The following GRIK1 variants were observed in gnomAD, a reference collection of about 807,000 sequenced individuals.
GRIK1 encodes the protein glutamate receptor ionotropic, kainate 1.
In GRIK1, 69 loss-of-function variants were observed where a neutral mutation model predicts 105.7. That is an observed-to-expected ratio of 0.65 (90% confidence interval 0.54 to 0.80). GRIK1 has a LOEUF of 0.80. GRIK1 is among the 30% of genes least tolerant of loss of function. GRIK1 has a pLI of 0.00. For synonymous variants in GRIK1, 438 were observed against 431.3 expected (o/e 1.02, Z -0.19); for missense variants, 1,109 against 1,167.3 (o/e 0.95, Z 0.73).
chr21:29,651,050 T>TA, intron 6 of GRIK1, 68 bp downstream of exon 6: 2 of 1,145,912 alleles, frequency 1.7e-6, no homozygotes, highest in Non-Finnish European at 2.5e-6. Context: ...ATTTTAAAGA[T>TA]ACGTGAGATC....
At chr21:29,918,251 G>T (rs1400327224) in intron 1 of GRIK1, among the ~76,000 whole-genome samples, 1 of 152,046 alleles carries the variant, frequency 6.6e-6, no homozygotes, top group African/African-American at 2.4e-5. Context: ...TGAAGTAATA[G>T]TAACATTAAT....
intron 14 of GRIK1, among the ~76,000 whole-genome samples, chr21:29,568,079 T>A (rs1253553941): frequency 6.6e-6 from 1 of 152,232 alleles, no homozygotes; most frequent in Non-Finnish European, 1.5e-5. Context: ...ATATTTTTCA[T>A]GTTTTTCTCC....
chr21:29,684,949 C>A (rs2063460968), intron 3 of GRIK1, among the ~76,000 whole-genome samples: 1 of 152,160 alleles, frequency 6.6e-6, no homozygotes, highest in African/African-American at 2.4e-5. Flanking sequence ...CTATTAATAT[C>A]TATCATCTAC....
At chr21:29,906,347 A>G (rs925859523) in intron 1 of GRIK1, among the ~76,000 whole-genome samples, 1 of 151,994 alleles carries the variant, frequency 6.6e-6, no homozygotes, top group Non-Finnish European at 1.5e-5. Context: ...ATGTTAGAAA[A>G]CCTCTTTATG....
intron 1 of GRIK1, among the ~76,000 whole-genome samples, chr21:29,703,782 A>G (rs562657711): frequency 2.8e-4 from 43 of 152,330 alleles, no homozygotes; most frequent in African/African-American, 9.6e-4. Context: ...CTTCAACTGG[A>G]AACTGGCTCT....
chr21:29,750,333 A>T (rs1165352740), intron 1 of GRIK1, among the ~76,000 whole-genome samples: 2 of 138,418 alleles, frequency 1.4e-5, no homozygotes, highest in Non-Finnish European at 3.0e-5. Flanking sequence ...TACATTTGCC[A>T]ACTCCAACTC....
chr21:29,877,961 C>T (rs1555903528), intron 1 of GRIK1, among the ~76,000 whole-genome samples: 4 of 152,082 alleles, frequency 2.6e-5, no homozygotes, highest in Non-Finnish European at 5.9e-5. Flanking sequence ...GGAAAGAACA[C>T]TTTTGAATAT....
At chr21:29,810,308 A>G (rs1204486571) in intron 1 of GRIK1, among the ~76,000 whole-genome samples, 3 of 152,076 alleles carry the variant, frequency 2.0e-5, no homozygotes, top group Non-Finnish European at 4.4e-5. Context: ...AAAAAAAAAA[A>G]AAAATCAGTA....
intron 16 of GRIK1, among the ~76,000 whole-genome samples, chr21:29,552,331 T>G (rs1160142528): frequency 2.6e-5 from 4 of 152,242 alleles, no homozygotes; most frequent in Non-Finnish European, 5.9e-5. Context: ...TATTCACTAG[T>G]GAGGAATCAT....
chr21:29,830,620 AT>A (rs980494824), intron 1 of GRIK1, among the ~76,000 whole-genome samples: 4 of 152,156 alleles, frequency 2.6e-5, no homozygotes, highest in Non-Finnish European at 5.9e-5. Flanking sequence ...TTAACCTAGT[AT>A]ATCTCCTTAA....
intron 1 of GRIK1, among the ~76,000 whole-genome samples, chr21:29,782,639 T>A (rs1048748996): frequency 1.3e-4 from 20 of 152,186 alleles, no homozygotes; most frequent in African/African-American, 4.6e-4. Flanking sequence ...GTTTGTCTTG[T>A]AGATTTGAAT....
intron 1 of GRIK1, among the ~76,000 whole-genome samples, chr21:29,824,771 T>C (rs1165763649): frequency 1.3e-5 from 2 of 152,026 alleles, no homozygotes; most frequent in East Asian, 1.9e-4. Context: ...GCCTTATTTT[T>C]AGTTTAATGG....
At chr21:29,693,750 T>C in intron 2 of GRIK1, 146 bp downstream of exon 2, 2 of 639,498 alleles carry the variant, frequency 3.1e-6, no homozygotes, top group African/African-American at 1.8e-5. Flanking sequence ...CAGATTACAC[T>C]GATCAGTGAC....
rs541742226 is a variant in GRIK1, at chr21:29,678,334, C to T, written c.545-5170G>A. Reference sequence around the variant, plus strand: ...TGCTTTTAAAGTGCAGATCTTCATACATAGCGTTTTTCAGAAGTGCAACAG... The same window carrying T: ...TGCTTTTAAAGTGCAGATCTTCATATATAGCGTTTTTCAGAAGTGCAACAG... On this transcript the variant is annotated intron_variant, in intron 3 of 17. Transcript: ENST00000327783. Among the ~76,000 whole-genome samples the T allele has an allele frequency of 7.9e-5, 12 of 152,242 alleles. No individual in the cohort carries two copies. In the South Asian group the frequency reaches 1.9e-3, roughly 24 times the overall value.
At chr21:29,864,197 C>G (rs911693392) in intron 1 of GRIK1, among the ~76,000 whole-genome samples, 20 of 151,996 alleles carry the variant, frequency 1.3e-4, no homozygotes, top group Middle Eastern at 6.8e-3. Flanking sequence ...GATTGATAAC[C>G]AGGCTTATTA....
chr21:29,813,893 G>T (rs2145900741), intron 1 of GRIK1, among the ~76,000 whole-genome samples: 1 of 149,630 alleles, frequency 6.7e-6, no homozygotes, highest in African/African-American at 2.4e-5. Flanking sequence ...GAGGCCACGG[G>T]TTAGACCCCA....
chr21:29,706,886 G>A (rs1253965218), intron 1 of GRIK1, among the ~76,000 whole-genome samples: 2 of 151,448 alleles, frequency 1.3e-5, no homozygotes, highest in East Asian at 3.9e-4. Flanking sequence ...TTTTTTTGAG[G>A]CGGAGTCTCG....
intron 15 of GRIK1, among the ~76,000 whole-genome samples, chr21:29,559,976 T>C (rs1248675101): frequency 6.6e-6 from 1 of 152,210 alleles, no homozygotes; most frequent in Admixed American, 6.5e-5. Context: ...GGCACAAGCA[T>C]GCTTTGCTCA....
At chr21:29,852,047 TC>T (rs1447136495) in intron 1 of GRIK1, among the ~76,000 whole-genome samples, 1 of 152,194 alleles carries the variant, frequency 6.6e-6, no homozygotes, top group African/African-American at 2.4e-5. Context: ...TATTTCTCCT[TC>T]CACAGTTTCT....
Sources: allele counts gnomAD v4.1 joint callset (sites outside exome capture counted in the v4.1 genomes callset), GRCh38; gene constraint gnomAD v4.1.1; transcripts MANE v1.5; gene names NCBI Gene and HGNC (gene_info 2026-07-23, HGNC 2026-07-21).